Variants in CDC14A observed in about 807,000 individuals in gnomAD.
CDC14A encodes cell division cycle 14A, also known as dual specificity protein phosphatase CDC14A.
Under a neutral mutation model 74.4 loss-of-function variants are expected in CDC14A, and 53 were observed. The ratio of observed to expected loss-of-function variants is 0.71; its 90% confidence interval spans 0.57 to 0.89. CDC14A has a LOEUF of 0.89. Among genes scored for constraint, CDC14A ranks in the 40% least tolerant of loss-of-function variants. CDC14A has a pLI of 0.00. For synonymous variants in CDC14A, 247 were observed against 258.4 expected (o/e 0.96, Z 0.43); for missense variants, 646 against 713.7 (o/e 0.91, Z 1.08).
intron 10 of CDC14A, among the ~76,000 whole-genome samples, chr1:100,473,622 A>G (rs1668604374): frequency 1.3e-5 from 2 of 152,074 alleles, no homozygotes; most frequent in African/African-American, 4.8e-5. Context: ...TCCTGACCTC[A>G]GGTTATCCTC....
rs557978084 is a variant in CDC14A at position 100,375,020 on chromosome 1, G to A, written c.141-2526G>A. Among the ~76,000 whole-genome samples the A allele has an allele frequency of 5.9e-5, 9 of 152,296 alleles. No individual in the cohort carries two copies. The South Asian group carries it at 1.2e-3, about 21-fold the overall frequency. ...TACTTAAAATAATTTGCAATATTTA[G>A]TAGTATATGTAGTAGACTAAACGAA... On this transcript the variant is annotated intron_variant, in intron 2 of 15. Transcript: ENST00000336454.
chr1:100,425,024 C>G (rs559379476), intron 5 of CDC14A, among the ~76,000 whole-genome samples: 3 of 152,014 alleles, frequency 2.0e-5, no homozygotes, highest in Non-Finnish European at 4.4e-5. Flanking sequence ...AAAAGTTAGC[C>G]AGGCATAGTG....
chr1:100,498,751 T>C (rs929086281), intron 14 of CDC14A, among the ~76,000 whole-genome samples, 178 bp from the exon 15 acceptor site: 3 of 152,244 alleles, frequency 2.0e-5, no homozygotes, highest in African/African-American at 7.2e-5. Flanking sequence ...AACTCAAGGC[T>C]ACATATTATC....
chr1:100,364,278 G>T (rs1279126059), intron 2 of CDC14A, among the ~76,000 whole-genome samples: 2 of 151,694 alleles, frequency 1.3e-5, no homozygotes, highest in Non-Finnish European at 2.9e-5. Context: ...CCCGATGTCG[G>T]CTCACTGCAA....
In CDC14A at chr1:100,408,353, T is replaced by G. The variant is rs146267755; in HGVS notation, c.310-15869T>G. The stretch of plus-strand genomic sequence containing the variant: ...TTAGGTTGATTCCGTGTCTTTGCTA[T>G]TGTGAATAGTGCTGCAGTGAATGCA... On this transcript the variant is annotated intron_variant, in intron 4 of 15. Transcript: ENST00000336454. 3.9e-3 allele frequency among the ~76,000 whole-genome samples: 587 copies of G among 152,358 alleles called. 5 individuals carry two copies. The highest frequency in any genetic ancestry group is 0.013 in the African/African-American group (556 of 41,586).
intron 2 of CDC14A, among the ~76,000 whole-genome samples, chr1:100,356,178 G>T (rs962754978): frequency 2.0e-5 from 3 of 152,192 alleles, no homozygotes; most frequent in Non-Finnish European, 2.9e-5. Context: ...ATGTCAGGGT[G>T]AGAAACCTGC....
At chr1:100,386,400 G>A (rs1398592089) in intron 3 of CDC14A, among the ~76,000 whole-genome samples, 2 of 152,276 alleles carry the variant, frequency 1.3e-5, no homozygotes, top group East Asian at 3.9e-4. Flanking sequence ...ATGGCATACA[G>A]TGTTTTTGTA....
chr1:100,505,575 G>A (rs1386913521), intron 15 of CDC14A, among the ~76,000 whole-genome samples: 2 of 152,180 alleles, frequency 1.3e-5, no homozygotes, highest in African/African-American at 4.8e-5. Context: ...TGTTAGTGCT[G>A]ACAGTGATAA....
chr1:100,478,423 C>G (rs1281992385), intron 10 of CDC14A, among the ~76,000 whole-genome samples: 1 of 151,954 alleles, frequency 6.6e-6, no homozygotes, highest in South Asian at 2.1e-4. Flanking sequence ...TGACAGATAA[C>G]CTATATCACA....
At chr1:100,478,992 TG>T (rs1669192225) in intron 10 of CDC14A, among the ~76,000 whole-genome samples, 1 of 152,176 alleles carries the variant, frequency 6.6e-6, no homozygotes, top group Admixed American at 6.5e-5. Context: ...TGCTGGTCCC[TG>T]AACCATATTC....
At chr1:100,404,658 G>A (rs1230298964) in intron 4 of CDC14A, among the ~76,000 whole-genome samples, 1 of 151,916 alleles carries the variant, frequency 6.6e-6, no homozygotes, top group Non-Finnish European at 1.5e-5. Context: ...GTGAAACCCC[G>A]TCTCTACTAA....
At chr1:100,389,411 C>T (rs1160935774) in intron 3 of CDC14A, among the ~76,000 whole-genome samples, 1 of 150,336 alleles carries the variant, frequency 6.7e-6, no homozygotes, top group Non-Finnish European at 1.5e-5. Flanking sequence ...GAGGTTGCGC[C>T]ACTGCACTCC....
At chr1:100,420,031 T>TATACACACACACACACAC (rs1289903598) in intron 4 of CDC14A, among the ~76,000 whole-genome samples, 1 of 82,880 alleles carries the variant, frequency 1.2e-5, no homozygotes, top group African/African-American at 3.5e-5. Context: ...TATACATATA[T>TATACACACACACACACAC]ACACACACAC....
At chr1:100,355,528 C>T (rs1651756991) in intron 2 of CDC14A, among the ~76,000 whole-genome samples, 1 of 152,180 alleles carries the variant, frequency 6.6e-6, no homozygotes. Flanking sequence ...TCATATTCCT[C>T]TTATAGTCTA....
rs533499338 is a variant in CDC14A at position 100,390,314 on chromosome 1, G to T, written c.217-418G>T. Among the ~76,000 whole-genome samples the T allele has an allele frequency of 3.5e-4, 53 of 152,208 alleles. No homozygotes were observed. In the South Asian group the frequency reaches 0.011, roughly 30 times the overall value. ...ATTTTTTGGAGATCATAGTAAACTG[G>T]TTGACATTTTAAAAAATTGTGTTAT... is the stretch of plus-strand genomic sequence containing the variant. On this transcript the variant is annotated intron_variant, in intron 3 of 15. Coordinates refer to ENST00000336454, the MANE Select transcript of CDC14A (RefSeq NM_003672.4).
rs564625567 is a variant in CDC14A at position 100,371,912 on chromosome 1, C to A, written c.141-5634C>A. Among the ~76,000 whole-genome samples the A allele has an allele frequency of 2.0e-5, 3 of 152,200 alleles. No individual in the cohort carries two copies. In the South Asian group the frequency reaches 6.2e-4, roughly 32 times the overall value. Reference sequence around the variant, plus strand: ...ATCTCTTATTTAGAAAAAAGGTTACCTTAATCAATACTGGTAGATGCATAT... The same window carrying A: ...ATCTCTTATTTAGAAAAAAGGTTACATTAATCAATACTGGTAGATGCATAT... On this transcript the variant is annotated intron_variant, in intron 2 of 15. Coordinates refer to ENST00000336454, the MANE Select transcript of CDC14A (RefSeq NM_003672.4).
chr1:100,518,575 T>C lies in CDC14A; in HGVS notation c.*295T>C, dbSNP rs1650425357. ...TTTTAATGTATTTTGGTAATACATT[T>C]ATTATTATATTTACATGTACAGTGT... On this transcript the variant is annotated 3_prime_UTR_variant, in exon 16 of 16. Coordinates refer to ENST00000336454, the MANE Select transcript of CDC14A (RefSeq NM_003672.4). 1 of 250,288 alleles carries C rather than the reference T, an allele frequency of 4.0e-6. No individual in the cohort carries two copies. The highest frequency in any genetic ancestry group is 2.2e-5 in the African/African-American group (1 of 44,490). The allele number at this position is 250,288 out of a possible 1,614,324, so 15.5% of individuals were successfully genotyped here.
chr1:100,398,225 G>T (rs973336756), intron 4 of CDC14A, among the ~76,000 whole-genome samples: 2 of 152,174 alleles, frequency 1.3e-5, no homozygotes, highest in African/African-American at 4.8e-5. Flanking sequence ...GGTGGCCCTG[G>T]CAGGGAAGCT....
At chr1:100,477,418 A>T (rs28364892) in intron 10 of CDC14A, among the ~76,000 whole-genome samples, 3 of 151,882 alleles carry the variant, frequency 2.0e-5, no homozygotes, top group African/African-American at 7.3e-5. Context: ...CATATAGAGG[A>T]GTCGTGTGAC....
Sources: allele counts gnomAD v4.1 joint callset (sites outside exome capture counted in the v4.1 genomes callset), GRCh38; gene constraint gnomAD v4.1.1; transcripts MANE v1.5; gene names NCBI Gene and HGNC (gene_info 2026-07-23, HGNC 2026-07-21).